The following PRKCQ variants were observed in gnomAD, a reference collection of about 807,000 sequenced individuals.
PRKCQ encodes the protein protein kinase C theta type.
In PRKCQ, 41 loss-of-function variants were observed where a neutral mutation model predicts 91.2. The ratio of observed to expected loss-of-function variants is 0.45; its 90% CI spans 0.35 to 0.58. PRKCQ has a LOEUF of 0.58. Among genes scored for constraint, PRKCQ ranks in the 20% least tolerant of loss-of-function variants. The pLI is 0.00. For synonymous variants in PRKCQ, 307 were observed against 316.9 expected, an observed-to-expected ratio of 0.97 and a Z score of 0.33; for missense variants, 673 against 896.5, an observed-to-expected ratio of 0.75 and a Z score of 3.18.
intron 14 of PRKCQ, among the ~76,000 whole-genome samples, chr10:6,458,526 AC>A (rs1178387456): frequency 6.6e-6 from 1 of 152,140 alleles, no homozygotes; most frequent in Non-Finnish European, 1.5e-5. Flanking sequence ...GCAGAAGAGA[AC>A]ATCCAGGGGC....
chr10:6,434,976 G>A lies in PRKCQ; in HGVS notation c.1837-4038C>T, dbSNP rs572931560. ...GTCACCCAGGCTGGAGTGCAGTGGC[G>A]CGATCTCGGCTCACTGCAAGCTCCG... On this transcript the variant is annotated intron_variant, in intron 16 of 17. Transcript: ENST00000263125. 3.9e-5 allele frequency among the ~76,000 whole-genome samples: 6 copies of A among 152,138 alleles called. No individual in the cohort carries two copies. In the East Asian group the frequency reaches 9.7e-4, roughly 24 times the overall value.
Position 6,576,368 on chromosome 10 carries a change from A to T in PRKCQ, c.-10+3843T>A, listed in dbSNP as rs542257147. ...CATAAATGGAATAGTATTCAGACTT[A>T]AAAAGGAAGGAAGTCCTGTCCAATG... On this transcript the variant is annotated intron_variant, in intron 1 of 17. Transcript: ENST00000263125. The surrounding 1 kb of genome is among the most constrained non-coding windows in gnomAD (Gnocchi z 4.2). Among the ~76,000 whole-genome samples, 1 of 152,250 alleles carries T rather than the reference A, an allele frequency of 6.6e-6. No homozygotes were observed. The highest frequency in any genetic ancestry group is 2.4e-5 in the African/African-American group (1 of 41,466).
At chr10:6,569,351 A>G (rs1461344157) in intron 1 of PRKCQ, among the ~76,000 whole-genome samples, 1 of 151,752 alleles carries the variant, frequency 6.6e-6, no homozygotes, top group Non-Finnish European at 1.5e-5. Flanking sequence ...TCAGAGATTG[A>G]GCAGACGTCC....
At chr10:6,406,186 AT>A in the PRKCQ span, among the ~76,000 whole-genome samples, 23,054 of 152,170 alleles carry the variant, frequency 0.15, 2,347 homozygotes, top group Middle Eastern at 0.23. Flanking sequence ...TTTTAGAAAA[AT>A]CCTTGGGTTA....
At chr10:6,440,209 T>G (rs956482197) in intron 16 of PRKCQ, among the ~76,000 whole-genome samples, 3 of 152,192 alleles carry the variant, frequency 2.0e-5, no homozygotes, top group Admixed American at 6.5e-5. Context: ...CCTTTATAAA[T>G]TACCCAGTAT....
At chr10:6,496,860 G>C (rs1166236201) in intron 7 of PRKCQ, among the ~76,000 whole-genome samples, 175 bp downstream of exon 7, 4 of 152,056 alleles carry the variant, frequency 2.6e-5, no homozygotes, top group Non-Finnish European at 5.9e-5. Context: ...TCATCCTCTG[G>C]TTTGGGTAAT....
At position 6,520,189 on chromosome 10, in the gene PRKCQ, C is replaced by T. The variant is rs144988269; in HGVS notation, c.-9-5045G>A. ...GAAATCTCCAAGGGGACCCCAAACTCACCAGGTCCCATACAGAACTCCCTG... is the reference window on the plus strand; with the variant it reads ...GAAATCTCCAAGGGGACCCCAAACTTACCAGGTCCCATACAGAACTCCCTG... On this transcript the variant is annotated intron_variant, in intron 1 of 17. Transcript: ENST00000263125. Among the ~76,000 whole-genome samples, 246 of 152,346 alleles carry T rather than the reference C, an allele frequency of 1.6e-3. 1 individual carries two copies. Among genetic ancestry groups the T allele is most frequent in the African/African-American group, 5.1e-3 (212 of 41,588 alleles).
At position 6,483,589 on chromosome 10, in the gene PRKCQ, T is replaced by C. The variant is rs780214821; in HGVS notation, c.1030A>G (p.Ile344Val). The change falls in exon 11 of 18, where the codon ATT becomes GTT. Residue 344 changes from isoleucine to valine, a missense_variant. Physicochemically the swap from Ile to Val is conservative, Grantham distance 29. Coordinates refer to ENST00000263125, the MANE Select transcript of PRKCQ (RefSeq NM_006257.5). ...TCATCCAACGGAGACTCCCAGGAAATGCCCTGAGGCTCTGAAAATGCAAGC... is the reference window on the plus strand; with the variant it reads ...TCATCCAACGGAGACTCCCAGGAAACGCCCTGAGGCTCTGAAAATGCAAGC... Reference protein sequence around the residue: ...PTPGKREPQGISWESPLDEVD... With the variant: ...PTPGKREPQGVSWESPLDEVD... 10 of 1,613,942 alleles carry C rather than the reference T, an allele frequency of 6.2e-6. No homozygotes were observed. The East Asian group carries it at 1.8e-4, about 29-fold the overall frequency.
intron 7 of PRKCQ, among the ~76,000 whole-genome samples, chr10:6,492,303 C>T (rs112884778): frequency 0.029 from 4,358 of 151,912 alleles, 106 homozygotes; most frequent in Non-Finnish European, 0.044. Flanking sequence ...AGTATTACTG[C>T]CTAATGTGAG....
At chr10:6,579,947 GC>G (rs1841403596) in intron 1 of PRKCQ, among the ~76,000 whole-genome samples, 1 of 150,760 alleles carries the variant, frequency 6.6e-6, no homozygotes, top group African/African-American at 2.4e-5. Context: ...AGGAGGAAGC[GC>G]CCCCAGGCCG....
chr10:6,397,920 C>T, the PRKCQ span, among the ~76,000 whole-genome samples: 26 of 151,590 alleles, frequency 1.7e-4, no homozygotes, highest in African/African-American at 5.3e-4. Context: ...CACGAGACTC[C>T]GTCTAAAAAA....
At position 6,448,381 on chromosome 10, in the gene PRKCQ, C is replaced by T. The variant is rs1834442433; in HGVS notation, c.1648-6300G>A. Among the ~76,000 whole-genome samples, 3 of 150,028 alleles carry T rather than the reference C, an allele frequency of 2.0e-5. No individual in the cohort carries two copies. In the South Asian group the frequency reaches 6.3e-4, roughly 31 times the overall value. ...CCAAGGATGTGCAATGGCAGAGAGG[C>T]ACAGTGTGGCCTGGCCAGGGAAGGT... On this transcript the variant is annotated intron_variant, in intron 15 of 17. Transcript: ENST00000263125.
chr10:6,495,976 A>G (rs1588764381), intron 7 of PRKCQ, among the ~76,000 whole-genome samples: 1 of 152,030 alleles, frequency 6.6e-6, no homozygotes, highest in Admixed American at 6.5e-5. Flanking sequence ...AGCACTTTGG[A>G]AGGCCAAGAC....
chr10:6,577,243 G>A (rs1841275174), intron 1 of PRKCQ, among the ~76,000 whole-genome samples: 1 of 152,138 alleles, frequency 6.6e-6, no homozygotes, highest in Non-Finnish European at 1.5e-5. Context: ...GTGTTTAGAT[G>A]ACAGAGCAAT....
chr10:6,511,535 C>T (rs1233750265), intron 2 of PRKCQ, among the ~76,000 whole-genome samples: 1 of 152,172 alleles, frequency 6.6e-6, no homozygotes, highest in East Asian at 1.9e-4. Context: ...ACGAGAATTG[C>T]CAAGGAAGAA....
chr10:6,417,185 C>T, the PRKCQ span, among the ~76,000 whole-genome samples: 21 of 152,202 alleles, frequency 1.4e-4, no homozygotes, highest in African/African-American at 2.9e-4. Flanking sequence ...AGGAGAGGGT[C>T]GAGGAGGAAA....
the PRKCQ span, among the ~76,000 whole-genome samples, chr10:6,411,040 C>T: frequency 0.049 from 7,345 of 150,722 alleles, 290 homozygotes; most frequent in South Asian, 0.14. Context: ...AGAAACACGG[C>T]GGACGATTAG....
intron 1 of PRKCQ, among the ~76,000 whole-genome samples, chr10:6,539,971 A>T (rs955367940): frequency 6.6e-6 from 1 of 152,236 alleles, no homozygotes; most frequent in African/African-American, 2.4e-5. Context: ...TACTCTGAAT[A>T]AGTGGAATTC....
intron 1 of PRKCQ, among the ~76,000 whole-genome samples, chr10:6,572,970 A>G (rs192453749): frequency 5.7e-4 from 86 of 152,148 alleles, no homozygotes; most frequent in African/African-American, 2.0e-3. Flanking sequence ...TTTGATTTGC[A>G]TTTCTCTAAT....
Sources: gnomAD v4.1 joint callset for allele counts (sites outside exome capture counted in the v4.1 genomes callset) on GRCh38, gnomAD v4.1.1 for gene constraint, Gnocchi (gnomAD v3.1) non-coding constraint, MANE v1.5 for transcripts, NCBI Gene and HGNC (gene_info 2026-07-23, HGNC 2026-07-21) for gene names.